Variants in ZNF385B observed in about 807,000 individuals in gnomAD.
ZNF385B encodes zinc finger protein 385B.
A neutral mutation model predicts 39.2 loss-of-function variants in ZNF385B; 23 were observed. The ratio of observed to expected loss-of-function variants is 0.59; its 90% CI spans 0.42 to 0.83. The LOEUF is 0.83. Among genes scored for constraint, ZNF385B ranks in the 40% least tolerant of loss-of-function variants. The pLI is 0.00. For synonymous variants in ZNF385B, 205 were observed against 222.6 expected, an observed-to-expected ratio of 0.92 and a Z score of 0.70; for missense variants, 552 against 598.9, an observed-to-expected ratio of 0.92 and a Z score of 0.82.
At chr2:179,613,141 C>T (rs1360427183) in intron 3 of ZNF385B, among the ~76,000 whole-genome samples, 1 of 152,190 alleles carries the variant, frequency 6.6e-6, no homozygotes, top group Non-Finnish European at 1.5e-5. Context: ...CAATGGGCTC[C>T]CCTATGGCCC....
At chr2:179,835,637 TATGCATTAGTCCCC>T (rs1415823003) in intron 1 of ZNF385B, among the ~76,000 whole-genome samples, 2 of 152,036 alleles carry the variant, frequency 1.3e-5, no homozygotes, top group African/African-American at 4.8e-5. Context: ...TTCTCACCCT[TATGCATTAGTCCCC>T]ATCCCCACTT....
intron 3 of ZNF385B, among the ~76,000 whole-genome samples, chr2:179,619,943 T>C (rs762275206): frequency 6.6e-6 from 1 of 152,236 alleles, no homozygotes; most frequent in Non-Finnish European, 1.5e-5. Flanking sequence ...TTACTAGCTA[T>C]GTGACCTTAG....
intron 3 of ZNF385B, among the ~76,000 whole-genome samples, chr2:179,657,470 T>G (rs981050092): frequency 6.6e-6 from 1 of 152,220 alleles, no homozygotes; most frequent in Non-Finnish European, 1.5e-5. Flanking sequence ...AACACTTCTT[T>G]CACATGCACT....
intron 5 of ZNF385B, among the ~76,000 whole-genome samples, chr2:179,499,319 C>T (rs1257370438): frequency 6.6e-6 from 1 of 151,760 alleles, no homozygotes; most frequent in Non-Finnish European, 1.5e-5. Flanking sequence ...TTCTACAAGG[C>T]CAGTATTACA....
chr2:179,789,479 T>G (rs1364264336), intron 1 of ZNF385B, among the ~76,000 whole-genome samples: 1 of 152,190 alleles, frequency 6.6e-6, no homozygotes, highest in Non-Finnish European at 1.5e-5. Flanking sequence ...CAGCTGGCAG[T>G]CAACCATCCA....
intron 3 of ZNF385B, among the ~76,000 whole-genome samples, chr2:179,750,854 T>G (rs555432939): frequency 2.6e-5 from 4 of 152,140 alleles, no homozygotes; most frequent in African/African-American, 9.7e-5. Flanking sequence ...GTAATTATAT[T>G]TGCAAAAGTC....
At chr2:179,658,489 C>T (rs193052208) in intron 3 of ZNF385B, among the ~76,000 whole-genome samples, 18 of 152,118 alleles carry the variant, frequency 1.2e-4, no homozygotes, top group African/African-American at 4.3e-4. Context: ...AGGAAATGAC[C>T]CAATGGTTAG....
chr2:179,671,769 C>T (rs1027033767), intron 3 of ZNF385B, among the ~76,000 whole-genome samples: 27 of 152,226 alleles, frequency 1.8e-4, no homozygotes, highest in African/African-American at 6.5e-4. Flanking sequence ...CCAGCTGCCC[C>T]AGATGTAGCA....
chr2:179,764,435 C>G (rs1019850519), intron 3 of ZNF385B, among the ~76,000 whole-genome samples: 1 of 151,920 alleles, frequency 6.6e-6, no homozygotes, highest in African/African-American at 2.4e-5. Context: ...GCTATTTACA[C>G]TTAAAGTAAT....
intron 3 of ZNF385B, among the ~76,000 whole-genome samples, chr2:179,623,592 G>A (rs548045513): frequency 1.8e-4 from 27 of 152,244 alleles, no homozygotes; most frequent in Admixed American, 9.8e-4. Flanking sequence ...CCAAGATACG[G>A]TCGGGGCAGG....
chr2:179,675,861 C>T (rs1317546610), intron 3 of ZNF385B, among the ~76,000 whole-genome samples: 1 of 151,596 alleles, frequency 6.6e-6, no homozygotes, highest in Non-Finnish European at 1.5e-5. Flanking sequence ...GATCTCCGCT[C>T]ATTGCAACCT....
chr2:179,779,489 T>C (rs955311699), intron 1 of ZNF385B, among the ~76,000 whole-genome samples: 4 of 152,136 alleles, frequency 2.6e-5, no homozygotes, highest in African/African-American at 9.7e-5. Context: ...GGGCCTGATA[T>C]GATCAGATTT....
intron 3 of ZNF385B, among the ~76,000 whole-genome samples, chr2:179,558,853 T>G (rs2061132083): frequency 6.6e-6 from 1 of 152,190 alleles, no homozygotes; most frequent in Non-Finnish European, 1.5e-5. Context: ...CAGCCAAGGT[T>G]GCTGTGCAAA....
chr2:179,457,313 C>A (rs1042900230), intron 6 of ZNF385B, among the ~76,000 whole-genome samples: 1 of 151,840 alleles, frequency 6.6e-6, no homozygotes, highest in African/African-American at 2.4e-5. Flanking sequence ...CAGTTTTTGG[C>A]CATTTTGAAT....
At chr2:179,496,939 C>T (rs2056280672) in intron 5 of ZNF385B, among the ~76,000 whole-genome samples, 1 of 152,170 alleles carries the variant, frequency 6.6e-6, no homozygotes, top group South Asian at 2.1e-4. Flanking sequence ...ATCCCAGCTA[C>T]TTGAGAGGCT....
At chr2:179,561,095 G>C (rs888984270) in intron 3 of ZNF385B, among the ~76,000 whole-genome samples, 4 of 152,158 alleles carry the variant, frequency 2.6e-5, no homozygotes, top group Admixed American at 2.6e-4. Context: ...CATTTCATTG[G>C]ACAGCACAAG....
At chr2:179,705,825 T>C (rs1399692141) in intron 3 of ZNF385B, among the ~76,000 whole-genome samples, 1 of 152,204 alleles carries the variant, frequency 6.6e-6, no homozygotes, top group East Asian at 1.9e-4. Flanking sequence ...ACTAAACCAA[T>C]AGGCAAGTCT....
intron 3 of ZNF385B, among the ~76,000 whole-genome samples, chr2:179,599,399 T>C (rs1688240002): frequency 6.6e-6 from 1 of 152,192 alleles, no homozygotes; most frequent in Non-Finnish European, 1.5e-5. Flanking sequence ...TAAACAAATG[T>C]TTAGTTTCAA....
chr2:179,807,929 A>AAG (rs1706478637), intron 1 of ZNF385B, among the ~76,000 whole-genome samples: 2 of 116,414 alleles, frequency 1.7e-5, no homozygotes, highest in African/African-American at 5.8e-5. Flanking sequence ...AAAGAAAGAA[A>AAG]GAAGGAAGGA....
Sources: allele counts gnomAD v4.1 joint callset (sites outside exome capture counted in the v4.1 genomes callset), GRCh38; gene constraint gnomAD v4.1.1; transcripts MANE v1.5; gene names NCBI Gene and HGNC (gene_info 2026-07-23, HGNC 2026-07-21).